CAMTA1: variants seen among roughly 807,000 people sequenced by gnomAD.
CAMTA1 encodes calmodulin binding transcription activator 1.
Under a neutral mutation model 170.9 loss-of-function variants are expected in CAMTA1, and 27 were observed. That is an observed-to-expected ratio of 0.16 (90% confidence interval 0.12 to 0.22). The LOEUF (loss-of-function observed/expected upper bound fraction) is 0.22, where lower values mean the gene tolerates loss of function less well. Ranked by LOEUF, CAMTA1 falls within the 10% of genes least tolerant of loss-of-function variation. The probability of loss-of-function intolerance (pLI) is 1.00; values close to 1 mark genes in which losing one functional copy is unlikely to be tolerated. For synonymous variants in CAMTA1, 833 were observed against 891.5 expected, an observed-to-expected ratio of 0.93 and a Z score of 1.17; for missense variants, 1,619 against 2,217.2, an observed-to-expected ratio of 0.73 and a Z score of 5.42.
rs559395670 is a variant in CAMTA1, at chr1:6,787,741, C to T, written c.45+2166C>T. ...AGCAGAACGACATCCTGCGTGTTCA[C>T]CAAGTCCCTGAATGTGCGAAGCGTA... is the stretch of plus-strand genomic sequence containing the variant. On this transcript the variant is annotated intron_variant, in intron 1 of 22. Coordinates refer to ENST00000303635, the MANE Select transcript of CAMTA1 (RefSeq NM_015215.4). Among the ~76,000 whole-genome samples, 5 of 152,346 alleles carry T rather than the reference C, an allele frequency of 3.3e-5. No homozygotes were observed. The South Asian group carries it at 1.0e-3, about 32-fold the overall frequency.
At chr1:6,959,800 G>A (rs1384019952) in intron 3 of CAMTA1, among the ~76,000 whole-genome samples, 1 of 152,134 alleles carries the variant, frequency 6.6e-6, no homozygotes, top group Non-Finnish European at 1.5e-5. Context: ...GCCCAGAGCT[G>A]AGCCGGGTTC....
chr1:7,574,090 G>A (rs925854587), intron 6 of CAMTA1, among the ~76,000 whole-genome samples: 7 of 152,180 alleles, frequency 4.6e-5, no homozygotes, highest in African/African-American at 1.4e-4. Flanking sequence ...CTTCCATAAA[G>A]GCTCAATTTA....
intron 5 of CAMTA1, among the ~76,000 whole-genome samples, chr1:7,256,962 A>T (rs1339945564): frequency 1.3e-5 from 2 of 152,020 alleles, no homozygotes; most frequent in Admixed American, 6.6e-5. Flanking sequence ...GGAGGGCAGG[A>T]GGAGCTCTCT....
intron 4 of CAMTA1, among the ~76,000 whole-genome samples, chr1:7,183,792 C>T (rs531581568): frequency 5.3e-5 from 8 of 152,220 alleles, no homozygotes; most frequent in African/African-American, 1.9e-4. Flanking sequence ...TGGTGTAATG[C>T]TGGTGAGAGT....
intron 19 of CAMTA1, among the ~76,000 whole-genome samples, chr1:7,749,229 T>C (rs1275804979): frequency 6.6e-6 from 1 of 152,234 alleles, no homozygotes; most frequent in Non-Finnish European, 1.5e-5. Context: ...TTCTATCACC[T>C]TGTCATAATC....
chr1:7,208,235 C>G lies in CAMTA1; in HGVS notation c.303-41256C>G, dbSNP rs189663638. Among the ~76,000 whole-genome samples, 383 of 152,352 alleles carry G rather than the reference C, an allele frequency of 2.5e-3. 2 individuals carry two copies. Among genetic ancestry groups the G allele is most frequent in the Non-Finnish European group, 4.3e-3 (295 of 68,026 alleles). On this transcript the variant is annotated intron_variant, in intron 4 of 22. Coordinates refer to ENST00000303635, the MANE Select transcript of CAMTA1 (RefSeq NM_015215.4). ...TTGCTAACCTCCCAGACAAACTGAT[C>G]CAGGCTCATGAAAGTTGGTTTGTTC...
At chr1:7,747,252 C>T (rs2150121327) in intron 18 of CAMTA1, among the ~76,000 whole-genome samples, 1 of 152,252 alleles carries the variant, frequency 6.6e-6, no homozygotes, top group South Asian at 2.1e-4. Context: ...CCCTGAACTC[C>T]TAAAATTAAG....
At chr1:7,039,205 ACTG>A (rs958240554) in intron 3 of CAMTA1, among the ~76,000 whole-genome samples, 25 of 152,062 alleles carry the variant, frequency 1.6e-4, no homozygotes, top group Admixed American at 1.6e-3. Context: ...CATTTAATAT[ACTG>A]TTGGAGTGTG....
At chr1:7,358,132 A>G (rs2085265082) in intron 5 of CAMTA1, among the ~76,000 whole-genome samples, 2 of 152,212 alleles carry the variant, frequency 1.3e-5, no homozygotes, top group African/African-American at 4.8e-5. Flanking sequence ...ATTTGCAAAT[A>G]AAGAGGTTAA....
chr1:7,688,631 T>C (rs1293790638), intron 11 of CAMTA1, among the ~76,000 whole-genome samples: 1 of 152,080 alleles, frequency 6.6e-6, no homozygotes, highest in Non-Finnish European at 1.5e-5. Context: ...GGGATGTGAA[T>C]TCCTAGTGGT....
intron 3 of CAMTA1, among the ~76,000 whole-genome samples, chr1:6,856,895 T>C (rs935610686): frequency 6.6e-6 from 1 of 152,010 alleles, no homozygotes; most frequent in African/African-American, 2.4e-5. Flanking sequence ...GAGCTCGGCA[T>C]GTCTGAAGTG....
At position 7,249,224 on chromosome 1, in the gene CAMTA1, T is replaced by C. The variant is rs1272551607; in HGVS notation, c.303-267T>C. Among the ~76,000 whole-genome samples the C allele has an allele frequency of 1.3e-5, 2 of 152,188 alleles. No individual in the cohort carries two copies. The highest frequency in any genetic ancestry group is 1.3e-4 in the Admixed American group (2 of 15,272). ...GCTCAGGCCCCCACATCGTATATCCTGATTACTTTGTGGTTATTACTGAGG... is the reference window on the plus strand; with the variant it reads ...GCTCAGGCCCCCACATCGTATATCCCGATTACTTTGTGGTTATTACTGAGG... On this transcript the variant is annotated intron_variant, in intron 4 of 22. Coordinates refer to ENST00000303635, the MANE Select transcript of CAMTA1 (RefSeq NM_015215.4). This position sits in a 1 kb window ranked among gnomAD's most constrained non-coding sequence, Gnocchi z 4.4.
chr1:7,382,853 T>C (rs2087496800), intron 5 of CAMTA1: 1 of 151,952 alleles, frequency 6.6e-6, no homozygotes, highest in South Asian at 2.1e-4. Flanking sequence ...GATAGATAGA[T>C]AGATAGATAG....
chr1:7,553,232 GGAAT>G (rs1289563494), intron 6 of CAMTA1, among the ~76,000 whole-genome samples: 2 of 12,996 alleles, frequency 1.5e-4, no homozygotes, highest in Non-Finnish European at 3.1e-4. Context: ...AATGAATGAG[GGAAT>G]GAATGAATGA....
intron 6 of CAMTA1, among the ~76,000 whole-genome samples, chr1:7,566,596 A>T (rs570025970): frequency 6.6e-6 from 1 of 152,154 alleles, no homozygotes; most frequent in Non-Finnish European, 1.5e-5. Context: ...TCACATGACC[A>T]TGGCTTTGCA....
chr1:7,734,631 C>T (rs2096757991), intron 12 of CAMTA1, among the ~76,000 whole-genome samples: 1 of 152,102 alleles, frequency 6.6e-6, no homozygotes, highest in Non-Finnish European at 1.5e-5. Flanking sequence ...TGTGCCTTGG[C>T]CTTTTGAGTC....
At chr1:7,400,169 T>A (rs2089781727) in intron 5 of CAMTA1, among the ~76,000 whole-genome samples, 2 of 152,330 alleles carry the variant, frequency 1.3e-5, no homozygotes, top group African/African-American at 4.8e-5. Flanking sequence ...CTCTTTTTGA[T>A]TCTGTTTTCT....
chr1:7,566,532 G>A (rs952989391), intron 6 of CAMTA1, among the ~76,000 whole-genome samples: 2 of 152,028 alleles, frequency 1.3e-5, no homozygotes, highest in African/African-American at 4.8e-5. Context: ...CGTGGTTGTT[G>A]ATGAGCAGAG....
Position 7,248,304 on chromosome 1 carries a change from C to T in CAMTA1, c.303-1187C>T, listed in dbSNP as rs1369543894. On this transcript the variant is annotated intron_variant, in intron 4 of 22. Coordinates refer to ENST00000303635, the MANE Select transcript of CAMTA1 (RefSeq NM_015215.4). This position sits in a 1 kb window ranked among gnomAD's most constrained non-coding sequence, Gnocchi z 4.0. ...GGACAGATGGCTGACTTATGGTTTC[C>T]TCGCCTCCGTTGTAGCAGAGCAACA... Among the ~76,000 whole-genome samples, 4 of 152,200 alleles carry T rather than the reference C, an allele frequency of 2.6e-5. No homozygotes were observed. The highest frequency in any genetic ancestry group is 5.9e-5 in the Non-Finnish European group (4 of 68,034).
Sources: allele counts gnomAD v4.1 joint callset (sites outside exome capture counted in the v4.1 genomes callset), GRCh38; gene constraint gnomAD v4.1.1; non-coding constraint Gnocchi (gnomAD v3.1); transcripts MANE v1.5; gene names NCBI Gene and HGNC (gene_info 2026-07-23, HGNC 2026-07-21).